Variants in ZNF680 observed in about 807,000 individuals in gnomAD.
ZNF680 encodes zinc finger protein 680, also known as hypothetical protein FLJ90430.
Under a neutral mutation model 12.1 loss-of-function variants are expected in ZNF680, and 6 were observed. The ratio of observed to expected loss-of-function variants is 0.49; its 90% CI spans 0.27 to 0.98. The LOEUF is 0.98. Among genes scored for constraint, ZNF680 ranks in the 50% least tolerant of loss-of-function variants. The probability of loss-of-function intolerance (pLI) is 0.12; values close to 1 mark genes in which losing one functional copy is unlikely to be tolerated. For synonymous variants in ZNF680, 170 were observed against 199.3 expected, an observed-to-expected ratio of 0.85 and a Z score of 1.24; for missense variants, 561 against 616.3, an observed-to-expected ratio of 0.91 and a Z score of 0.95.
At chr7:64,499,955 T>TG in the ZNF680 span, among the ~76,000 whole-genome samples, 4 of 152,202 alleles carry the variant, frequency 2.6e-5, no homozygotes, top group Non-Finnish European at 5.9e-5. Flanking sequence ...GAAAGATGTA[T>TG]GGGAACAGAC....
the ZNF680 span, among the ~76,000 whole-genome samples, chr7:64,501,969 A>C: frequency 7.5e-6 from 1 of 133,398 alleles, no homozygotes; most frequent in Non-Finnish European, 1.6e-5. Flanking sequence ...AAACCTCTTT[A>C]TGACTTAACA....
chr7:64,536,499 T>C (rs78375146), intron 3 of ZNF680, among the ~76,000 whole-genome samples: 3,897 of 152,264 alleles, frequency 0.026, 102 homozygotes, highest in African/African-American at 0.056. Flanking sequence ...TTTGAATTAA[T>C]AGAGTGTAAA....
At chr7:64,514,958 G>T (rs1348706007), downstream of ZNF680, among the ~76,000 whole-genome samples, 1 of 151,890 alleles carries the variant, frequency 6.6e-6, no homozygotes, top group East Asian at 1.9e-4. Flanking sequence ...CAGGAGAATC[G>T]CTTGAACCCA....
chr7:64,538,447 G>T (rs562874509), intron 3 of ZNF680, among the ~76,000 whole-genome samples: 2 of 149,262 alleles, frequency 1.3e-5, no homozygotes, highest in Non-Finnish European at 3.0e-5. Context: ...CTTAGAAGTG[G>T]ACAAATAATT....
intron 3 of ZNF680, among the ~76,000 whole-genome samples, chr7:64,538,923 C>T (rs1786326137): frequency 6.6e-6 from 1 of 151,890 alleles, no homozygotes; most frequent in African/African-American, 2.4e-5. Context: ...CTGAGGTCAG[C>T]AGTTTGAGAC....
chr7:64,525,983 C>T (rs1457205734), intron 3 of ZNF680: 1 of 985,166 alleles, frequency 1.0e-6, no homozygotes, highest in Non-Finnish European at 1.2e-6. Context: ...TTGTTCCACA[C>T]TGTCTTAAAT....
intron 1 of ZNF680, among the ~76,000 whole-genome samples, chr7:64,557,538 G>C (rs1787485864): frequency 6.6e-6 from 1 of 151,090 alleles, no homozygotes. Flanking sequence ...CTGGGTGACA[G>C]AGCAAGGGTC....
At chr7:64,534,402 T>C (rs1171532482) in intron 3 of ZNF680, among the ~76,000 whole-genome samples, 1 of 151,916 alleles carries the variant, frequency 6.6e-6, no homozygotes. Flanking sequence ...CCAACAAAAA[T>C]ATGAAAAAAT....
At chr7:64,539,765 A>G (rs993790724) in intron 3 of ZNF680, among the ~76,000 whole-genome samples, 4 of 152,136 alleles carry the variant, frequency 2.6e-5, no homozygotes, top group South Asian at 2.1e-4. Context: ...CTCCCCCATC[A>G]ATCTCCCAAG....
chr7:64,510,117 C>CA, the ZNF680 span, among the ~76,000 whole-genome samples: 1 of 142,964 alleles, frequency 7.0e-6, no homozygotes, highest in Non-Finnish European at 1.5e-5. Flanking sequence ...ACAACAATAA[C>CA]AAAAAAGCCC....
At chr7:64,545,405 T>C (rs923540633) in intron 1 of ZNF680, among the ~76,000 whole-genome samples, 3 of 151,240 alleles carry the variant, frequency 2.0e-5, no homozygotes, top group Non-Finnish European at 4.4e-5. Flanking sequence ...TCAAATGTGA[T>C]AATTTATGCA....
Position 64,521,204 on chromosome 7 carries a change from A to C in ZNF680, c.1550T>G (p.Leu517Arg), listed in dbSNP as rs1562731779. The C allele has an allele frequency of 1.2e-6, 2 of 1,612,460 alleles. No individual in the cohort carries two copies. Among genetic ancestry groups the C allele is most frequent in the South Asian group, 1.1e-5 (1 of 90,730 alleles). Residue 517 changes from leucine (L) to arginine (R), a missense_variant, in exon 4 of 4, where the codon CTC becomes CGC. Physicochemically the swap from Leu to Arg is moderately radical, Grantham distance 102. Coordinates refer to ENST00000309683, the MANE Select transcript of ZNF680 (RefSeq NM_178558.5). ...RHKKIHTGEKLYKPEKCDNNF... is the reference protein window; with the variant it reads ...RHKKIHTGEKRYKPEKCDNNF... ...ATTGTCACATTTTTCAGGTTTGTAG[A>C]GTTTCTCACCAGTATGAATTTTCTT...
At chr7:64,514,893 A>T (rs577851925), downstream of ZNF680, among the ~76,000 whole-genome samples, 1 of 152,208 alleles carries the variant, frequency 6.6e-6, no homozygotes. Flanking sequence ...AAAATACAAA[A>T]TTAGCCGGGC....
chr7:64,546,735 TC>T (rs1786807319), intron 1 of ZNF680, among the ~76,000 whole-genome samples: 1 of 152,144 alleles, frequency 6.6e-6, no homozygotes, highest in Non-Finnish European at 1.5e-5. Flanking sequence ...AGAGTGAGAC[TC>T]CATCTCTTAA....
intron 1 of ZNF680, among the ~76,000 whole-genome samples, chr7:64,552,747 A>G (rs183954740): frequency 3.3e-5 from 5 of 152,364 alleles, no homozygotes; most frequent in Non-Finnish European, 5.9e-5. Context: ...AAGTAGAAAT[A>G]ACAATATTAA....
At chr7:64,510,923 AAAAAAT>A in the ZNF680 span, among the ~76,000 whole-genome samples, 8,470 of 69,610 alleles carry the variant, frequency 0.12, 1,942 homozygotes, top group East Asian at 0.23. Context: ...AAAAAAAAAT[AAAAAAT>A]AAAAAATAAA....
At chr7:64,547,942 T>G (rs1786870316) in intron 1 of ZNF680, among the ~76,000 whole-genome samples, 1 of 152,138 alleles carries the variant, frequency 6.6e-6, no homozygotes, top group Admixed American at 6.6e-5. Flanking sequence ...CAAAACTAAT[T>G]TCTTCTAATC....
the ZNF680 span, among the ~76,000 whole-genome samples, chr7:64,512,358 C>A: frequency 6.7e-6 from 1 of 148,178 alleles, no homozygotes; most frequent in Non-Finnish European, 1.5e-5. Flanking sequence ...GAGGCTGAGG[C>A]AGGAAAATCG....
rs1301182305 is a variant in ZNF680 at position 64,520,360 on chromosome 7, T to C, written c.*801A>G. On this transcript the variant is annotated 3_prime_UTR_variant, in exon 4 of 4. Coordinates refer to ENST00000309683, the MANE Select transcript of ZNF680 (RefSeq NM_178558.5). ...GAAAAAAAGTATACTTTCAATGTAA[T>C]TATAACTCTCCAAAGAATCTTCTAC... 6.6e-6 allele frequency: 1 copy of C among 151,816 alleles called. No homozygotes were observed. Among genetic ancestry groups the C allele is most frequent in the Non-Finnish European group, 1.5e-5 (1 of 67,734 alleles). The allele number at this position is 151,816 out of a possible 1,614,324, so 9.4% of individuals were successfully genotyped here.
Sources: gnomAD v4.1 joint callset for allele counts (sites outside exome capture counted in the v4.1 genomes callset) on GRCh38, gnomAD v4.1.1 for gene constraint, MANE v1.5 for transcripts, NCBI Gene and HGNC (gene_info 2026-07-23, HGNC 2026-07-21) for gene names.